The following UNC13C variants were observed in gnomAD, a reference collection of about 807,000 sequenced individuals.
UNC13C encodes protein unc-13 homolog C.
Under a neutral mutation model 245.4 loss-of-function variants are expected in UNC13C, and 174 were observed. The ratio of observed to expected loss-of-function variants is 0.71; its 90% CI spans 0.63 to 0.80. The LOEUF (loss-of-function observed/expected upper bound fraction) is 0.80. UNC13C is among the 30% of genes least tolerant of loss of function. The probability of loss-of-function intolerance (pLI) is 0.00; values close to 1 mark genes in which losing one functional copy is unlikely to be tolerated. For missense variants in UNC13C, 2,829 were observed against 2,602.9 expected (o/e 1.09, Z -1.89); for synonymous variants, 992 against 895.1 (o/e 1.11, Z -1.93).
intron 19 of UNC13C, among the ~76,000 whole-genome samples, chr15:54,463,775 A>T (rs1359623408): frequency 6.6e-6 from 1 of 152,152 alleles, no homozygotes; most frequent in Non-Finnish European, 1.5e-5. Context: ...ACAAAATGAA[A>T]ACCAGATCAA....
intron 28 of UNC13C, among the ~76,000 whole-genome samples, chr15:54,552,769 G>A (rs1490448832): frequency 1.5e-5 from 1 of 66,982 alleles, no homozygotes; most frequent in Non-Finnish European, 2.5e-5. Flanking sequence ...ATAATATATA[G>A]TACAATATAT....
chr15:54,424,319 G>A (rs72734789), intron 19 of UNC13C, among the ~76,000 whole-genome samples: 3,840 of 151,964 alleles, frequency 0.025, 73 homozygotes, highest in Non-Finnish European at 0.04. Context: ...AAAGAAACTT[G>A]GGAAGGAGGT....
intron 10 of UNC13C, among the ~76,000 whole-genome samples, chr15:54,293,118 C>A (rs1181596885): frequency 6.6e-6 from 1 of 151,670 alleles, no homozygotes; most frequent in Non-Finnish European, 1.5e-5. Flanking sequence ...ACAGGATACA[C>A]AGAAAGCAAA....
intron 2 of UNC13C, among the ~76,000 whole-genome samples, chr15:54,041,471 C>T (rs1419058250): frequency 1.3e-5 from 2 of 152,124 alleles, no homozygotes; most frequent in African/African-American, 4.8e-5. Flanking sequence ...CAGAGAGATA[C>T]ATAAGAAATT....
At chr15:54,361,745 T>TTC (rs2039236684) in intron 17 of UNC13C, among the ~76,000 whole-genome samples, 1 of 151,950 alleles carries the variant, frequency 6.6e-6, no homozygotes, top group East Asian at 1.9e-4. Flanking sequence ...ACTGCTACCC[T>TTC]ACCTCTCTTT....
At chr15:54,103,463 A>T (rs747670728) in intron 2 of UNC13C, among the ~76,000 whole-genome samples, 27 of 152,256 alleles carry the variant, frequency 1.8e-4, no homozygotes, top group Non-Finnish European at 3.5e-4. Context: ...AGCAAATTAT[A>T]GTTTACCAAC....
chr15:54,133,424 C>A (rs1025246054), intron 2 of UNC13C, among the ~76,000 whole-genome samples: 2 of 152,112 alleles, frequency 1.3e-5, no homozygotes, highest in African/African-American at 4.8e-5. Flanking sequence ...AATATTTTAT[C>A]AGTTTTTTTA....
At chr15:54,044,424 GT>G in intron 2 of UNC13C, 2 of 336,454 alleles carry the variant, frequency 5.9e-6, no homozygotes, top group Non-Finnish European at 1.2e-5. Flanking sequence ...TATATTTAAA[GT>G]TTCCTTGGAT....
intron 10 of UNC13C, among the ~76,000 whole-genome samples, chr15:54,266,082 G>A (rs932621327): frequency 4.6e-5 from 7 of 151,864 alleles, no homozygotes; most frequent in South Asian, 2.1e-4. Flanking sequence ...ATGAATTTCA[G>A]TTGTTATTTG....
chr15:54,242,500 G>T (rs73411939), intron 7 of UNC13C, among the ~76,000 whole-genome samples: 22,298 of 151,882 alleles, frequency 0.15, 2,014 homozygotes, highest in African/African-American at 0.23. Flanking sequence ...TTATTTATGT[G>T]TATTTTCTCT....
the UNC13C span, among the ~76,000 whole-genome samples, chr15:53,871,613 G>A: frequency 6.6e-6 from 1 of 152,182 alleles, no homozygotes; most frequent in Admixed American, 6.5e-5. Context: ...TAGTAAATAT[G>A]TTTTGCATGA....
chr15:54,448,390 T>C (rs1347418426), intron 19 of UNC13C, among the ~76,000 whole-genome samples: 2 of 152,184 alleles, frequency 1.3e-5, no homozygotes, highest in Non-Finnish European at 2.9e-5. Context: ...AGTTTCCCAT[T>C]ATTATTGTTT....
intron 4 of UNC13C, among the ~76,000 whole-genome samples, chr15:54,216,524 T>C (rs758739019): frequency 1.3e-5 from 2 of 151,926 alleles, no homozygotes; most frequent in Non-Finnish European, 2.9e-5. Context: ...ACAGCCAGTG[T>C]GTTCCAGGCA....
At chr15:54,180,954 CTG>C (rs1178201783) in intron 4 of UNC13C, among the ~76,000 whole-genome samples, 1 of 152,016 alleles carries the variant, frequency 6.6e-6, no homozygotes, top group African/African-American at 2.4e-5. Flanking sequence ...TCTGCTTACT[CTG>C]TTGATAGTTT....
chr15:54,310,517 A>G (rs2037840077), intron 13 of UNC13C, among the ~76,000 whole-genome samples: 1 of 151,850 alleles, frequency 6.6e-6, no homozygotes, highest in Admixed American at 6.6e-5. Flanking sequence ...GGACACAGCC[A>G]ACATGTTATT....
chr15:53,991,012 A>C (rs921845384), intron 1 of UNC13C, among the ~76,000 whole-genome samples: 3 of 152,052 alleles, frequency 2.0e-5, no homozygotes, highest in Non-Finnish European at 4.4e-5. Context: ...GGTAATAAGT[A>C]GGGCCACACC....
At chr15:54,308,520 C>T (rs2059088182) in intron 13 of UNC13C, among the ~76,000 whole-genome samples, 1 of 151,748 alleles carries the variant, frequency 6.6e-6, no homozygotes. Context: ...TACACTTCCA[C>T]GCTGTTAGCA....
At chr15:54,444,499 C>G (rs148266217) in intron 19 of UNC13C, among the ~76,000 whole-genome samples, 1 of 151,686 alleles carries the variant, frequency 6.6e-6, no homozygotes, top group African/African-American at 2.4e-5. Flanking sequence ...ATATCTTTTA[C>G]GTAGGAAAAT....
At chr15:53,946,596 C>T in the UNC13C span, among the ~76,000 whole-genome samples, 38 of 151,104 alleles carry the variant, frequency 2.5e-4, no homozygotes, top group African/African-American at 9.2e-4. Flanking sequence ...TGGCACACGC[C>T]TGTAGTCCCA....
Sources: gnomAD v4.1 joint callset for allele counts (sites outside exome capture counted in the v4.1 genomes callset) on GRCh38, gnomAD v4.1.1 for gene constraint, MANE v1.5 for transcripts, NCBI Gene and HGNC (gene_info 2026-07-23, HGNC 2026-07-21) for gene names.